TTBK2: variants seen among roughly 807,000 people sequenced by gnomAD.
TTBK2 encodes tau-tubulin kinase 2.
Under a neutral mutation model 110.8 loss-of-function variants are expected in TTBK2, and 28 were observed. That is an observed-to-expected ratio of 0.25 (90% CI 0.19 to 0.35). The LOEUF is 0.35. Ranked by LOEUF, TTBK2 falls within the 10% of genes least tolerant of loss-of-function variation. The pLI is 1.00. For missense variants in TTBK2, 1,369 were observed against 1,500.3 expected (o/e 0.91, Z 1.45); for synonymous variants, 532 against 527.3 (o/e 1.01, Z -0.12).
intron 13 of TTBK2, among the ~76,000 whole-genome samples, chr15:42,773,295 G>A (rs1452958378): frequency 1.3e-5 from 2 of 151,940 alleles, no homozygotes. Flanking sequence ...AAATTAGCCG[G>A]GCTTGGTGGT....
chr15:42,908,560 T>C (rs2030554586), intron 1 of TTBK2, among the ~76,000 whole-genome samples: 1 of 152,220 alleles, frequency 6.6e-6, no homozygotes, highest in Admixed American at 6.5e-5. Flanking sequence ...ATTATCATAG[T>C]TAATATCAAA....
intron 9 of TTBK2, among the ~76,000 whole-genome samples, chr15:42,795,778 G>A (rs1167696619): frequency 6.6e-6 from 1 of 151,074 alleles, no homozygotes; most frequent in African/African-American, 2.4e-5. Flanking sequence ...GGGAGGCGGA[G>A]GCTGCAGTGA....
At chr15:42,796,684 T>C (rs1392789446) in intron 9 of TTBK2, among the ~76,000 whole-genome samples, 1 of 152,228 alleles carries the variant, frequency 6.6e-6, no homozygotes, top group Non-Finnish European at 1.5e-5. Context: ...TTTAATTAAT[T>C]TCTCTTTCAA....
intron 11 of TTBK2, among the ~76,000 whole-genome samples, chr15:42,780,820 C>G (rs150372239): frequency 6.6e-5 from 10 of 152,048 alleles, no homozygotes; most frequent in African/African-American, 2.2e-4. Flanking sequence ...AAAAATTAGC[C>G]AAGCGTGGTG....
chr15:42,884,939 C>T (rs972904340), intron 1 of TTBK2, among the ~76,000 whole-genome samples: 2 of 152,076 alleles, frequency 1.3e-5, no homozygotes, highest in African/African-American at 2.4e-5. Context: ...ATCTCCCCCA[C>T]GCTTAAGAAC....
intron 13 of TTBK2, among the ~76,000 whole-genome samples, chr15:42,773,832 T>TC (rs1889782613): frequency 1.3e-5 from 2 of 151,402 alleles, no homozygotes; most frequent in Admixed American, 6.5e-5. Context: ...GAGTTAGTAG[T>TC]TACCTCCCTC....
At chr15:42,789,114 G>A (rs563716354) in intron 10 of TTBK2, among the ~76,000 whole-genome samples, 13 of 151,768 alleles carry the variant, frequency 8.6e-5, no homozygotes, top group Non-Finnish European at 1.6e-4. Flanking sequence ...ATTTTATAAA[G>A]GTTATTCCTT....
At chr15:42,870,506 A>G (rs1252649900) in intron 3 of TTBK2, among the ~76,000 whole-genome samples, 1 of 152,098 alleles carries the variant, frequency 6.6e-6, no homozygotes, top group Non-Finnish European at 1.5e-5. Context: ...GAATTGGTCT[A>G]TTAAAAGGAA....
At chr15:42,820,581 T>C (rs1046126503) in intron 6 of TTBK2, among the ~76,000 whole-genome samples, 1 of 152,238 alleles carries the variant, frequency 6.6e-6, no homozygotes, top group African/African-American at 2.4e-5. Context: ...ACAAAGTCAG[T>C]CACTACCATC....
chr15:42,801,823 T>C (rs1891222999), intron 9 of TTBK2: 8 of 871,496 alleles, frequency 9.2e-6, no homozygotes, highest in South Asian at 9.1e-5. Context: ...TACATACTCC[T>C]TGATGAGCAC....
intron 3 of TTBK2, among the ~76,000 whole-genome samples, chr15:42,850,489 T>G (rs987146856): frequency 6.6e-6 from 1 of 152,198 alleles, no homozygotes; most frequent in Non-Finnish European, 1.5e-5. Flanking sequence ...TCCAAGAATT[T>G]TGCCCAGGTT....
chr15:42,749,361 C>T (rs2061835651), intron 14 of TTBK2, among the ~76,000 whole-genome samples: 1 of 152,214 alleles, frequency 6.6e-6, no homozygotes, highest in Non-Finnish European at 1.5e-5. Context: ...CTGGAGTCTA[C>T]CAAAGGCTTG....
Position 42,752,819 on chromosome 15 carries a change from C to T in TTBK2, c.2427G>A (p.Leu809=). ...CTGAGTGATCCTTTTCCACAATTAC[C>T]AAATCTCCTGGGAGAGAGGAGATCT... is the stretch of plus-strand genomic sequence containing the variant. ...CIEISSLPGD[L]VIVEKDHSAT... Residue 809 remains leucine, a synonymous_variant, in exon 14 of 15, where the codon TTG becomes TTA. Transcript: ENST00000267890. The T allele has an allele frequency of 6.2e-7, 1 of 1,614,146 alleles. No individual in the cohort carries two copies. Among genetic ancestry groups the T allele is most frequent in the East Asian group, 2.2e-5 (1 of 44,876 alleles).
At chr15:42,856,787 C>A (rs925820666) in intron 3 of TTBK2, among the ~76,000 whole-genome samples, 2 of 152,122 alleles carry the variant, frequency 1.3e-5, no homozygotes, top group Non-Finnish European at 2.9e-5. Flanking sequence ...TAATGCCAGG[C>A]GTGATGGCTC....
At chr15:42,885,589 C>A (rs1404664157) in intron 1 of TTBK2, among the ~76,000 whole-genome samples, 1 of 152,226 alleles carries the variant, frequency 6.6e-6, no homozygotes, top group East Asian at 1.9e-4. Flanking sequence ...AGGTGTCTGA[C>A]CATGCAGGGT....
chr15:42,876,832 T>A (rs1215844044), intron 2 of TTBK2, among the ~76,000 whole-genome samples: 1 of 152,148 alleles, frequency 6.6e-6, no homozygotes, highest in Non-Finnish European at 1.5e-5. Flanking sequence ...ACGATTAGGA[T>A]CCTGTCAAAA....
chr15:42,775,713 T>C lies in TTBK2; in HGVS notation c.1420A>G (p.Met474Val), dbSNP rs1169566394. 1 of 1,611,450 alleles carries C rather than the reference T, an allele frequency of 6.2e-7. No homozygotes were observed. Among genetic ancestry groups the C allele is most frequent in the Non-Finnish European group, 8.5e-7 (1 of 1,179,848 alleles). Residue 474 changes from methionine (M) to valine (V), a missense_variant, in exon 13 of 15, where the codon ATG becomes GTG. Transcript: ENST00000267890. The stretch of plus-strand genomic sequence containing the variant: ...TTTCCTGCACTGGTATCTTTCTGCA[T>C]TTTCTCCAGGCTTAAGGAAATGGAA... ...DKFLETCLEK[M>V]QKDTSAGKES...
chr15:42,920,002 G>C (rs1253389316), intron 1 of TTBK2: 1 of 159,312 alleles, frequency 6.3e-6, no homozygotes, highest in Admixed American at 6.5e-5. Flanking sequence ...TTACAACACA[G>C]CAAACAGATT....
intron 3 of TTBK2, among the ~76,000 whole-genome samples, chr15:42,851,340 A>G (rs191639788): frequency 6.6e-6 from 1 of 152,164 alleles, no homozygotes; most frequent in East Asian, 1.9e-4. Context: ...CAGAAAAAGC[A>G]GAAGAAGCAG....
Sources: allele counts gnomAD v4.1 joint callset (sites outside exome capture counted in the v4.1 genomes callset), GRCh38; gene constraint gnomAD v4.1.1; transcripts MANE v1.5; gene names NCBI Gene and HGNC (gene_info 2026-07-23, HGNC 2026-07-21).